Variants in DCLK1 observed in about 807,000 individuals in gnomAD.
DCLK1 encodes the protein serine/threonine-protein kinase DCLK1.
Under a neutral mutation model 86.2 loss-of-function variants are expected in DCLK1, and 16 were observed. The ratio of observed to expected loss-of-function variants is 0.19; its 90% CI spans 0.13 to 0.28. The LOEUF (loss-of-function observed/expected upper bound fraction) is 0.28, where lower values mean the gene tolerates loss of function less well. DCLK1 is among the 10% of genes least tolerant of loss of function. The pLI is 1.00. For missense variants in DCLK1, 590 were observed against 940.2 expected (o/e 0.63, Z 4.87); for synonymous variants, 369 against 370.5 (o/e 1.00, Z 0.05).
rs74044334 is a variant in DCLK1, at chr13:36,051,977, A to G, written c.723+59892T>C. ...AAAGATCTTTAATGAAAGTTAAATT[A>G]CCTTCTTAGAATTAAAGGCTGCCAT... On this transcript the variant is annotated intron_variant, in intron 3 of 16. Coordinates refer to ENST00000360631, the MANE Select transcript of DCLK1 (RefSeq NM_001330071.2). Among the ~76,000 whole-genome samples, 928 of 152,250 alleles carry G rather than the reference A, an allele frequency of 6.1e-3. 15 individuals carry two copies. The highest frequency in any genetic ancestry group is 0.022 in the African/African-American group (894 of 41,552).
chr13:35,775,431 G>A (rs2086407769), intron 16 of DCLK1, among the ~76,000 whole-genome samples: 1 of 152,138 alleles, frequency 6.6e-6, no homozygotes, highest in Non-Finnish European at 1.5e-5. Flanking sequence ...CAGTCTCTAT[G>A]CCTCAATTTC....
At chr13:35,903,608 C>T (rs1366889563) in intron 4 of DCLK1, among the ~76,000 whole-genome samples, 1 of 151,748 alleles carries the variant, frequency 6.6e-6, no homozygotes, top group Non-Finnish European at 1.5e-5. Flanking sequence ...ATATTTAATG[C>T]CCTCAAAACT....
At chr13:36,036,285 G>C (rs919279714) in intron 3 of DCLK1, among the ~76,000 whole-genome samples, 1 of 152,232 alleles carries the variant, frequency 6.6e-6, no homozygotes, top group African/African-American at 2.4e-5. Context: ...CACTGCCTAA[G>C]AGGTAGCCCT....
chr13:35,811,057 T>C (rs2087130731), intron 11 of DCLK1, 89 bp from the exon 12 acceptor site: 5 of 1,537,966 alleles, frequency 3.3e-6, no homozygotes, highest in Non-Finnish European at 4.4e-6. Context: ...TGTTTAAATT[T>C]AATGTATAGG....
At chr13:35,988,236 A>G (rs193167587) in intron 3 of DCLK1, among the ~76,000 whole-genome samples, 12 of 152,312 alleles carry the variant, frequency 7.9e-5, no homozygotes, top group Non-Finnish European at 1.3e-4. Context: ...CTGATCCCCA[A>G]TGTGACCTCA....
intron 5 of DCLK1, among the ~76,000 whole-genome samples, chr13:35,867,745 G>T (rs561981648): frequency 1.3e-5 from 2 of 151,596 alleles, no homozygotes; most frequent in African/African-American, 4.9e-5. Flanking sequence ...TGAAATTATT[G>T]CCTATATGCA....
chr13:35,878,374 C>T (rs1415063590), intron 4 of DCLK1, among the ~76,000 whole-genome samples: 1 of 152,018 alleles, frequency 6.6e-6, no homozygotes, highest in Non-Finnish European at 1.5e-5. Flanking sequence ...CTGAGTGAAC[C>T]CTGACACCAT....
At chr13:35,865,340 G>A (rs1871715318) in intron 5 of DCLK1, among the ~76,000 whole-genome samples, 1 of 152,124 alleles carries the variant, frequency 6.6e-6, no homozygotes, top group Admixed American at 6.5e-5. Flanking sequence ...AAACCCATAT[G>A]AAACTCCTTA....
At chr13:35,878,373 C>A (rs550722324) in intron 4 of DCLK1, among the ~76,000 whole-genome samples, 1 of 152,180 alleles carries the variant, frequency 6.6e-6, no homozygotes, top group African/African-American at 2.4e-5. Flanking sequence ...TCTGAGTGAA[C>A]CCTGACACCA....
intron 3 of DCLK1, among the ~76,000 whole-genome samples, chr13:36,006,016 A>G (rs1880935316): frequency 6.6e-6 from 1 of 152,012 alleles, no homozygotes; most frequent in African/African-American, 2.4e-5. Flanking sequence ...GGCCTGCTGG[A>G]GGGTCGGGGG....
intron 16 of DCLK1, among the ~76,000 whole-genome samples, chr13:35,790,967 G>A (rs569482490): frequency 2.2e-4 from 33 of 152,258 alleles, no homozygotes; most frequent in African/African-American, 7.5e-4. Context: ...AATGAAGGTG[G>A]CCAAAATAGC....
At chr13:35,902,868 G>A (rs1226876678) in intron 4 of DCLK1, among the ~76,000 whole-genome samples, 1 of 152,094 alleles carries the variant, frequency 6.6e-6, no homozygotes, top group Non-Finnish European at 1.5e-5. Flanking sequence ...GATGAAATAA[G>A]GAGGTCTCAA....
rs11294824 is a variant in DCLK1 at position 35,976,525 on chromosome 13, G to GT, written c.724-29069dup. ...CTCCCAGCACTTCAGCTTCTCCGAG[G>GT]TTTTTTTTTTTTTTTTTTTTTTTGA... On this transcript the variant is annotated intron_variant, in intron 3 of 16. Coordinates refer to ENST00000360631, the MANE Select transcript of DCLK1 (RefSeq NM_001330071.2). Among the ~76,000 whole-genome samples, 88 of 56,332 alleles carry GT rather than the reference G, an allele frequency of 1.6e-3. 4 individuals carry two copies. The highest frequency in any genetic ancestry group is 3.4e-3 in the African/African-American group (54 of 16,044). 37.0% of individuals were successfully genotyped at this position (56,332 alleles called of 152,430 possible).
At chr13:35,835,242 C>T (rs1869270680) in intron 8 of DCLK1, among the ~76,000 whole-genome samples, 2 of 152,072 alleles carry the variant, frequency 1.3e-5, no homozygotes, top group Admixed American at 1.3e-4. Context: ...TGTGTACCCC[C>T]CAGTCCAGCC....
intron 6 of DCLK1, chr13:35,849,575 C>A (rs1054334100): frequency 2.0e-6 from 2 of 977,284 alleles, no homozygotes; most frequent in African/African-American, 3.5e-5. Context: ...ACTTTAAAAT[C>A]ATTATTTTAT....
intron 4 of DCLK1, among the ~76,000 whole-genome samples, chr13:35,885,506 A>G (rs10507437): frequency 0.17 from 25,308 of 152,142 alleles, 2,384 homozygotes; most frequent in South Asian, 0.33. Flanking sequence ...AAAGGGGATC[A>G]AGTAATACTG....
chr13:35,870,995 T>C (rs2153114635), intron 5 of DCLK1, among the ~76,000 whole-genome samples: 1 of 152,304 alleles, frequency 6.6e-6, no homozygotes, highest in Middle Eastern at 3.4e-3. Context: ...TGTGGGCAAA[T>C]CTGGGTTTCC....
intron 3 of DCLK1, among the ~76,000 whole-genome samples, chr13:36,055,813 T>A (rs1359847102): frequency 6.6e-6 from 1 of 152,198 alleles, no homozygotes; most frequent in Non-Finnish European, 1.5e-5. Context: ...ATAGGATTTT[T>A]AAAACAGTAT....
At chr13:35,839,297 T>A in intron 6 of DCLK1, 121 bp from the exon 7 acceptor site, 1 of 771,562 alleles carries the variant, frequency 1.3e-6, no homozygotes, top group Non-Finnish European at 2.1e-6. Context: ...GATTTGATCT[T>A]AACACTTGGA....
Sources: gnomAD v4.1 joint callset for allele counts (sites outside exome capture counted in the v4.1 genomes callset) on GRCh38, gnomAD v4.1.1 for gene constraint, MANE v1.5 for transcripts, NCBI Gene and HGNC (gene_info 2026-07-23, HGNC 2026-07-21) for gene names.